The following CHL1 variants were observed in gnomAD, a reference collection of about 807,000 sequenced individuals.
CHL1 encodes the protein neural cell adhesion molecule L1-like protein.
CHL1 carries 96 observed loss-of-function variants against 141.9 expected under a neutral mutation model. That is an observed-to-expected ratio of 0.68 (90% CI 0.57 to 0.80). The LOEUF (loss-of-function observed/expected upper bound fraction) is 0.80. Ranked by LOEUF, CHL1 falls within the 30% of genes least tolerant of loss-of-function variation. The pLI, the probability that CHL1 is intolerant of heterozygous loss-of-function variation, is 0.00. For missense variants in CHL1, 1,820 were observed against 1,457.2 expected (o/e 1.25, Z -4.05); for synonymous variants, 613 against 502.2 (o/e 1.22, Z -2.95).
intron 1 of CHL1, among the ~76,000 whole-genome samples, 187 bp from the exon 2 acceptor site, chr3:244,426 A>T (rs1692964805): frequency 6.6e-6 from 1 of 152,192 alleles, no homozygotes; most frequent in South Asian, 2.1e-4. Flanking sequence ...CTTGACAGAA[A>T]TTCGCAGGAC....
chr3:402,993 T>C (rs1709263792), intron 27 of CHL1, among the ~76,000 whole-genome samples: 1 of 152,236 alleles, frequency 6.6e-6, no homozygotes, highest in African/African-American at 2.4e-5. Context: ...TGGGTACTTC[T>C]GGCTCAGGAC....
At chr3:226,362 TA>T (rs1701344483) in intron 1 of CHL1, among the ~76,000 whole-genome samples, 2 of 89,862 alleles carry the variant, frequency 2.2e-5, no homozygotes, top group Non-Finnish European at 4.8e-5. Flanking sequence ...ATATATTATA[TA>T]ATAGAATATT....
chr3:360,148 G>C, intron 11 of CHL1, 136 bp from the exon 12 acceptor site: 1 of 856,366 alleles, frequency 1.2e-6, no homozygotes, highest in Non-Finnish European at 1.7e-6. Context: ...AAAACCTAAA[G>C]AATTGGCTTC....
chr3:226,188 T>G (rs1701328876), intron 1 of CHL1, among the ~76,000 whole-genome samples: 1 of 149,652 alleles, frequency 6.7e-6, no homozygotes, highest in South Asian at 2.1e-4. Flanking sequence ...GCCCAGCTAA[T>G]TTTTTATATT....
intron 11 of CHL1, among the ~76,000 whole-genome samples, chr3:356,943 G>A (rs1195167699): frequency 6.6e-6 from 1 of 152,162 alleles, no homozygotes; most frequent in East Asian, 1.9e-4. Flanking sequence ...TATTTTCCTG[G>A]CCTTTGAATG....
intron 2 of CHL1, among the ~76,000 whole-genome samples, chr3:266,673 T>C (rs1455683518): frequency 4.6e-5 from 7 of 152,202 alleles, no homozygotes; most frequent in Non-Finnish European, 1.0e-4. Context: ...AAAACTTGCA[T>C]TTCATTTTGA....
intron 15 of CHL1, among the ~76,000 whole-genome samples, chr3:367,353 T>G (rs916476186): frequency 6.6e-6 from 1 of 152,202 alleles, no homozygotes; most frequent in African/African-American, 2.4e-5. Context: ...AACACTGCCA[T>G]GGGTAAGATC....
intron 15 of CHL1, among the ~76,000 whole-genome samples, chr3:377,273 CAT>C (rs1482423967): frequency 6.6e-6 from 1 of 152,138 alleles, no homozygotes. Flanking sequence ...TCAAATAAGT[CAT>C]ATGCTTCAAT....
intron 2 of CHL1, among the ~76,000 whole-genome samples, chr3:250,341 G>C (rs371870998): frequency 6.6e-6 from 1 of 152,140 alleles, no homozygotes; most frequent in Non-Finnish European, 1.5e-5. Flanking sequence ...GACCAGGTTT[G>C]TATACTATTT....
At chr3:226,085 G>C (rs940563051) in intron 1 of CHL1, among the ~76,000 whole-genome samples, 1 of 150,696 alleles carries the variant, frequency 6.6e-6, no homozygotes, top group Non-Finnish European at 1.5e-5. Context: ...GCGGAGGCAC[G>C]ATCTCAGCTC....
At chr3:318,470 C>T in intron 2 of CHL1, among the ~76,000 whole-genome samples, 1 of 151,590 alleles carries the variant, frequency 6.6e-6, no homozygotes, top group South Asian at 2.1e-4. Context: ...TGTATTATTA[C>T]CTGCAAGAAT....
intron 2 of CHL1, among the ~76,000 whole-genome samples, chr3:280,571 T>C (rs552566122): frequency 5.1e-4 from 77 of 152,316 alleles, no homozygotes; most frequent in African/African-American, 1.8e-3. Flanking sequence ...GTAATTTTAC[T>C]GTATCAAGCA....
At chr3:258,205 G>C (rs546177371) in intron 2 of CHL1, among the ~76,000 whole-genome samples, 10 of 152,322 alleles carry the variant, frequency 6.6e-5, no homozygotes, top group African/African-American at 2.4e-4. Flanking sequence ...TGGTTTGAAA[G>C]GCCTCTCAGA....
chr3:232,236 C>G (rs1438722092), intron 1 of CHL1, among the ~76,000 whole-genome samples: 1 of 152,118 alleles, frequency 6.6e-6, no homozygotes, highest in Non-Finnish European at 1.5e-5. Flanking sequence ...TTAATTTGGT[C>G]TTTTGAGTGA....
At position 323,304 on chromosome 3, in the gene CHL1, G is replaced by T. The variant is rs980709152; in HGVS notation, c.92-2655G>T. 1.1e-4 allele frequency among the ~76,000 whole-genome samples: 16 copies of T among 152,130 alleles called. 1 individual carries two copies. Among genetic ancestry groups the T allele is most frequent in the Admixed American group, 9.2e-4 (14 of 15,268 alleles). On this transcript the variant is annotated intron_variant, in intron 3 of 27. Coordinates refer to ENST00000256509, the MANE Select transcript of CHL1 (RefSeq NM_006614.4). ...TGTATTGTCCACTGTAAGCTTGAGAGCTTCCCGATACTTAATACTGCTGAT... is the reference window on the plus strand; with the variant it reads ...TGTATTGTCCACTGTAAGCTTGAGATCTTCCCGATACTTAATACTGCTGAT...
At chr3:314,777 C>T (rs1456668485) in intron 2 of CHL1, among the ~76,000 whole-genome samples, 2 of 152,028 alleles carry the variant, frequency 1.3e-5, no homozygotes, top group African/African-American at 4.8e-5. Context: ...AGGTGCAAGG[C>T]TTCTTGAGGC....
chr3:377,749 T>C, intron 15 of CHL1, 69 bp from the exon 16 acceptor site: 1 of 1,371,794 alleles, frequency 7.3e-7, no homozygotes, highest in Non-Finnish European at 1.0e-6. Context: ...TATGCATTTT[T>C]AAAAGAATTG....
chr3:381,962 C>G (rs1226671617), intron 16 of CHL1, among the ~76,000 whole-genome samples: 1 of 149,724 alleles, frequency 6.7e-6, no homozygotes, highest in Non-Finnish European at 1.5e-5. Context: ...CCGTTCTTAT[C>G]AAGTTGTTTA....
intron 15 of CHL1, among the ~76,000 whole-genome samples, chr3:372,438 C>T (rs1418545332): frequency 6.6e-6 from 1 of 152,108 alleles, no homozygotes; most frequent in African/African-American, 2.4e-5. Flanking sequence ...AGTTCTCCTG[C>T]TGTGTTTTTC....
Sources: allele counts gnomAD v4.1 joint callset (sites outside exome capture counted in the v4.1 genomes callset), GRCh38; gene constraint gnomAD v4.1.1; transcripts MANE v1.5; gene names NCBI Gene and HGNC (gene_info 2026-07-23, HGNC 2026-07-21).